Variants in HNRNPA3 observed in about 807,000 individuals in gnomAD.
HNRNPA3 encodes the protein epididymis secretory sperm binding protein.
HNRNPA3 carries 3 observed loss-of-function variants against 45.8 expected under a neutral mutation model. The observed-to-expected ratio is 0.07, with a 90% CI of 0.03 to 0.17. The LOEUF (loss-of-function observed/expected upper bound fraction) is 0.17, where lower values mean the gene tolerates loss of function less well. Ranked by LOEUF, HNRNPA3 falls within the 10% of genes least tolerant of loss-of-function variation. HNRNPA3 has a pLI of 1.00. For synonymous variants in HNRNPA3, 170 were observed against 155.6 expected, an observed-to-expected ratio of 1.09 and a Z score of -0.69; for missense variants, 183 against 480.3, an observed-to-expected ratio of 0.38 and a Z score of 5.79.
exon 7 of HNRNPA3, chr2:177,216,932 G>T: frequency 6.4e-7 from 1 of 1,556,452 alleles, no homozygotes; most frequent in African/African-American, 1.4e-5. Flanking sequence ...AATGGATTTG[G>T]AGGTGATGGT....
At chr2:177,216,987 CT>C in intron 7 of HNRNPA3, 47 bp downstream of exon 7, 2 of 1,418,798 alleles carry the variant, frequency 1.4e-6, no homozygotes, top group Non-Finnish European at 1.9e-6. Context: ...ACTTTCTTTA[CT>C]TATTGAAAAT....
chr2:177,217,826 A>G (rs758966664), exon 8 of HNRNPA3: 5 of 1,585,160 alleles, frequency 3.2e-6, no homozygotes, highest in Non-Finnish European at 3.4e-6. Flanking sequence ...GTTACAATGA[A>G]GGAGGAAATT....
intron 1 of HNRNPA3, among the ~76,000 whole-genome samples, chr2:177,214,084 G>C (rs1475979287): frequency 6.6e-6 from 1 of 152,168 alleles, no homozygotes; most frequent in African/African-American, 2.4e-5. Context: ...CCTTATTTAA[G>C]AACTTCGGGT....
chr2:177,216,243 T>A (rs1282208137), intron 4 of HNRNPA3, 55 bp downstream of exon 4: 1 of 1,229,704 alleles, frequency 8.1e-7, no homozygotes. Context: ...TTTTTCTGTT[T>A]TGAACTAAAT....
At position 177,212,970 on chromosome 2, in the gene HNRNPA3, G is replaced by A. The variant is rs1166798135; in HGVS notation, c.72+99G>A. On this transcript the variant is annotated intron_variant, in intron 1 of 10. Coordinates refer to ENST00000392524, the Ensembl canonical transcript of HNRNPA3. ...CCGGGTGGACCGGGTCGGCCGTCCC[G>A]CGCTCTTGCGTTGAGACAGGCTGTG... 8 of 786,782 alleles carry A rather than the reference G, an allele frequency of 1.0e-5. No individual in the cohort carries two copies. The East Asian group carries it at 1.7e-4, about 16-fold the overall frequency. 48.7% of individuals were successfully genotyped at this position (786,782 alleles called of 1,614,324 possible).
downstream of HNRNPA3, chr2:177,220,830 A>G (rs1326700358): frequency 6.6e-6 from 1 of 152,504 alleles, no homozygotes; most frequent in Admixed American, 6.5e-5. Flanking sequence ...ATATATACAT[A>G]TATTAATATA....
At chr2:177,215,720 T>C (rs1406247895) in intron 2 of HNRNPA3, 30 bp from the exon 3 acceptor site, 7 of 1,608,592 alleles carry the variant, frequency 4.4e-6, no homozygotes, top group African/African-American at 1.3e-5. Context: ...TGGAGGTGTT[T>C]TCAACGTTAT....
chr2:177,222,894 C>CT (rs1456072065), downstream of HNRNPA3: 1 of 152,510 alleles, frequency 6.6e-6, no homozygotes, highest in African/African-American at 2.4e-5. Flanking sequence ...ATTTTCGTTC[C>CT]TTTTTTGTTT....
In HNRNPA3 at chr2:177,212,826, C is replaced by A. The variant is rs754540284; in HGVS notation, c.27C>A (p.Arg9=). ...TGGAGGTAAAACCGCCGCCCGGTCG[C>A]CCCCAGCCCGACTCCGGCCGTCGCC... Residue 9 remains arginine, a synonymous_variant, in exon 1 of 11, where the codon CGC becomes CGA. Transcript: ENST00000392524. 2.6e-4 allele frequency: 404 copies of A among 1,562,266 alleles called. 2 individuals are homozygous for A. Among genetic ancestry groups the A allele is most frequent in the Non-Finnish European group, 3.7e-5 (43 of 1,156,518 alleles).
chr2:177,223,804 A>G (rs1429135063), downstream of HNRNPA3: 1 of 152,236 alleles, frequency 6.6e-6, no homozygotes, highest in Non-Finnish European at 1.5e-5. Context: ...TTTGTAGTAT[A>G]ATGAAATGTT....
chr2:177,215,488 C>T lies in HNRNPA3; in HGVS notation c.73-51C>T, dbSNP rs765069742. On this transcript the variant is annotated intron_variant, in intron 1 of 10. Transcript: ENST00000392524. The stretch of plus-strand genomic sequence containing the variant: ...CGTACATTAAAGGCTCTTCGTGCAT[C>T]TTAATTCATCTACTGTAAGGTAACT... 100 of 1,585,226 alleles carry T rather than the reference C, an allele frequency of 6.3e-5. 1 individual carries two copies. The Admixed American group carries it at 1.7e-3, about 27-fold the overall frequency.
intron 8 of HNRNPA3, among the ~76,000 whole-genome samples, chr2:177,218,204 G>A (rs543601635): frequency 6.6e-6 from 1 of 152,098 alleles, no homozygotes; most frequent in South Asian, 2.1e-4. Flanking sequence ...TGGGACTACA[G>A]GCGTATGCCA....
chr2:177,214,491 A>G (rs939734267), intron 1 of HNRNPA3, among the ~76,000 whole-genome samples: 2 of 152,084 alleles, frequency 1.3e-5, no homozygotes, highest in Non-Finnish European at 1.5e-5. Flanking sequence ...GTTCTTCATC[A>G]CAGTTTTGAG....
chr2:177,221,503 A>G (rs1263953772), downstream of HNRNPA3: 3 of 152,664 alleles, frequency 2.0e-5, no homozygotes, highest in East Asian at 3.8e-4. Context: ...ATTATAGTGA[A>G]AACATTTACA....
rs536758845 is a variant in HNRNPA3, at chr2:177,215,262, T to C, written c.73-277T>C. Among the ~76,000 whole-genome samples, 445 of 152,154 alleles carry C rather than the reference T, an allele frequency of 2.9e-3. 2 individuals are homozygous for C. The highest frequency in any genetic ancestry group is 0.01 in the African/African-American group (429 of 41,522). On this transcript the variant is annotated intron_variant, in intron 1 of 10. Coordinates refer to ENST00000392524, the Ensembl canonical transcript of HNRNPA3. ...GACGCCCGCCACCACGCCCAGCTAA[T>C]TTTTGTGTTTTTAGTAGAGATGGGG...
intron 7 of HNRNPA3, 31 bp from the exon 8 acceptor site, chr2:177,217,674 T>C (rs750369608): frequency 1.2e-6 from 2 of 1,611,894 alleles, no homozygotes; most frequent in South Asian, 1.1e-5. Flanking sequence ...CTTAAGTTTT[T>C]GTGTGGTCTT....
downstream of HNRNPA3, chr2:177,222,502 C>G (rs1689224910): frequency 6.6e-6 from 1 of 152,188 alleles, no homozygotes; most frequent in African/African-American, 2.4e-5. Flanking sequence ...AAAACACCTT[C>G]AAAGGAACAT....
At chr2:177,215,601 A>C (rs774306881) in exon 2 of HNRNPA3, 1 of 1,613,758 alleles carries the variant, frequency 6.2e-7, no homozygotes, top group African/African-American at 1.3e-5. Context: ...TGAGCTTTGA[A>C]ACTACAGATG....
At chr2:177,214,989 C>G (rs1235888221) in intron 1 of HNRNPA3, among the ~76,000 whole-genome samples, 2 of 152,158 alleles carry the variant, frequency 1.3e-5, no homozygotes, top group African/African-American at 2.4e-5. Flanking sequence ...CTGGAATTGT[C>G]TTGGATTTCA....
Sources: allele counts gnomAD v4.1 joint callset (sites outside exome capture counted in the v4.1 genomes callset), GRCh38; gene constraint gnomAD v4.1.1; transcripts MANE v1.5; gene names NCBI Gene and HGNC (gene_info 2026-07-23, HGNC 2026-07-21).